INO80: variants seen among roughly 807,000 people sequenced by gnomAD.
INO80 encodes the protein chromatin-remodeling ATPase INO80.
A neutral mutation model predicts 203.4 loss-of-function variants in INO80; 20 were observed. That is an observed-to-expected ratio of 0.10 (90% CI 0.07 to 0.14). The LOEUF is 0.14. Among genes scored for constraint, INO80 ranks in the 10% least tolerant of loss-of-function variants. The pLI, the probability that INO80 is intolerant of heterozygous loss-of-function variation, is 1.00. For missense variants in INO80, 1,419 were observed against 1,914.4 expected, an observed-to-expected ratio of 0.74 and a Z score of 4.83; for synonymous variants, 726 against 685.2, an observed-to-expected ratio of 1.06 and a Z score of -0.93.
chr15:41,097,211 G>C (rs1320649398), intron 1 of INO80, among the ~76,000 whole-genome samples: 1 of 151,364 alleles, frequency 6.6e-6, no homozygotes, highest in Non-Finnish European at 1.5e-5. Flanking sequence ...ACGCCCAGCT[G>C]ATTTTTGTAT....
intron 1 of INO80, among the ~76,000 whole-genome samples, chr15:41,107,180 T>G (rs763580513): frequency 5.9e-5 from 9 of 152,206 alleles, no homozygotes; most frequent in Admixed American, 1.3e-4. Context: ...TAAAAAAATT[T>G]TTTTTAATTT....
chr15:40,982,542 C>G (rs750923933), intron 35 of INO80, among the ~76,000 whole-genome samples: 3 of 152,184 alleles, frequency 2.0e-5, no homozygotes, highest in Non-Finnish European at 4.4e-5. Flanking sequence ...ATTTGGATTA[C>G]TAAAATGTGG....
chr15:41,106,383 C>CA (rs369784846), intron 1 of INO80, among the ~76,000 whole-genome samples: 38,452 of 83,956 alleles, frequency 0.46, 7,925 homozygotes, highest in Admixed American at 0.54. Flanking sequence ...GACCCTGTCT[C>CA]AAAAAAAAAA....
chr15:41,000,008 G>A (rs3100807), intron 28 of INO80, among the ~76,000 whole-genome samples: 69,633 of 151,994 alleles, frequency 0.46, 17,746 homozygotes, highest in East Asian at 0.7. Context: ...TGAGGCAGCA[G>A]GATCATTTGA....
chr15:41,041,095 T>C (rs2044658679), intron 24 of INO80, among the ~76,000 whole-genome samples: 1 of 152,144 alleles, frequency 6.6e-6, no homozygotes, highest in Non-Finnish European at 1.5e-5. Context: ...AGGGTCTCAC[T>C]CTGTCACTCT....
intron 24 of INO80, 33 bp downstream of exon 24, chr15:41,044,871 A>C: frequency 1.3e-6 from 2 of 1,561,764 alleles, no homozygotes; most frequent in Non-Finnish European, 1.7e-6. Context: ...AGAAGATACT[A>C]AGTAGGTAAT....
intron 24 of INO80, among the ~76,000 whole-genome samples, chr15:41,034,084 A>G (rs550916418): frequency 1.3e-5 from 2 of 151,962 alleles, no homozygotes; most frequent in Non-Finnish European, 2.9e-5. Flanking sequence ...AAAAAACCCA[A>G]AACTTTATCC....
chr15:41,060,724 G>C (rs962537727), intron 14 of INO80, among the ~76,000 whole-genome samples: 9 of 151,974 alleles, frequency 5.9e-5, no homozygotes, highest in Admixed American at 5.2e-4. Flanking sequence ...CCCTGAATAG[G>C]TACCGACTCC....
At chr15:41,087,102 T>TA (rs1415431323) in intron 6 of INO80, among the ~76,000 whole-genome samples, 1 of 151,562 alleles carries the variant, frequency 6.6e-6, no homozygotes, top group Non-Finnish European at 1.5e-5. Flanking sequence ...TTCCACATCA[T>TA]AGATTCAACC....
At chr15:41,107,572 G>T (rs2045898583) in intron 1 of INO80, among the ~76,000 whole-genome samples, 1 of 152,052 alleles carries the variant, frequency 6.6e-6, no homozygotes, top group African/African-American at 2.4e-5. Flanking sequence ...GGCCAAGGAG[G>T]GTGGATCATT....
intron 24 of INO80, among the ~76,000 whole-genome samples, chr15:41,030,580 T>C: frequency 6.6e-6 from 1 of 152,182 alleles, no homozygotes; most frequent in Non-Finnish European, 1.5e-5. Context: ...CAGGCTGGTC[T>C]TGAACTCCTG....
chr15:41,000,690 G>A (rs1222840370), intron 28 of INO80, among the ~76,000 whole-genome samples: 3 of 118,966 alleles, frequency 2.5e-5, no homozygotes, highest in Admixed American at 1.0e-4. Context: ...CTGGGTGACA[G>A]AGTGGCACCC....
chr15:41,104,551 T>C (rs567551293), intron 1 of INO80, among the ~76,000 whole-genome samples: 2 of 152,270 alleles, frequency 1.3e-5, no homozygotes, highest in South Asian at 4.1e-4. Context: ...TCTTTTCTTT[T>C]TTTTAAAGGG....
At chr15:41,070,762 A>T (rs7172555) in intron 12 of INO80, among the ~76,000 whole-genome samples, 40 of 152,280 alleles carry the variant, frequency 2.6e-4, no homozygotes, top group Non-Finnish European at 4.9e-4. Context: ...GGCAAGGCCA[A>T]TCTGTTAGCT....
At chr15:41,014,535 A>G (rs1401574430) in intron 27 of INO80, among the ~76,000 whole-genome samples, 1 of 152,222 alleles carries the variant, frequency 6.6e-6, no homozygotes, top group African/African-American at 2.4e-5. Flanking sequence ...TACATCAAAC[A>G]CAACAGCTTA....
At chr15:40,987,288 CAG>C (rs1491192055) in intron 30 of INO80, 95 bp from the exon 31 acceptor site, 19 of 691,998 alleles carry the variant, frequency 2.7e-5, no homozygotes, top group African/African-American at 3.6e-5. Context: ...ACCCACTCCT[CAG>C]GGGAGGCCTC....
chr15:41,041,526 C>T (rs1296155159), intron 24 of INO80, among the ~76,000 whole-genome samples: 2 of 151,614 alleles, frequency 1.3e-5, no homozygotes, highest in Non-Finnish European at 2.9e-5. Context: ...TTGCAACCTC[C>T]ACCTCCTGGG....
chr15:41,036,928 C>T (rs561751405), intron 24 of INO80, among the ~76,000 whole-genome samples: 10 of 152,158 alleles, frequency 6.6e-5, no homozygotes, highest in African/African-American at 2.4e-4. Context: ...TGGCAAAACC[C>T]CGTCTCTCTA....
intron 5 of INO80, among the ~76,000 whole-genome samples, chr15:41,091,404 T>C (rs1445160902): frequency 1.3e-5 from 2 of 152,106 alleles, no homozygotes; most frequent in African/African-American, 4.8e-5. Context: ...ATGTGCAAGA[T>C]GTGCAGGTTT....
Sources: allele counts gnomAD v4.1 joint callset (sites outside exome capture counted in the v4.1 genomes callset), GRCh38; gene constraint gnomAD v4.1.1; transcripts MANE v1.5; gene names NCBI Gene and HGNC (gene_info 2026-07-23, HGNC 2026-07-21).